NUP107: variants seen among roughly 807,000 people sequenced by gnomAD.
NUP107 encodes nucleoporin 107, also known as nuclear pore complex protein Nup107.
NUP107 carries 101 observed loss-of-function variants against 141.0 expected under a neutral mutation model. The observed-to-expected ratio is 0.72, with a 90% CI of 0.61 to 0.84. The LOEUF (loss-of-function observed/expected upper bound fraction) is 0.84. Ranked by LOEUF, NUP107 falls within the 40% of genes least tolerant of loss-of-function variation. The pLI is 0.00. For synonymous variants in NUP107, 319 were observed against 363.9 expected (o/e 0.88, Z 1.41); for missense variants, 941 against 1,102.7 (o/e 0.85, Z 2.08).
intron 8 of NUP107, among the ~76,000 whole-genome samples, chr12:68,703,562 T>G (rs1023780844): frequency 6.6e-6 from 1 of 152,100 alleles, no homozygotes; most frequent in Non-Finnish European, 1.5e-5. Context: ...GTGATACTTC[T>G]GCCTCAGCCT....
intron 12 of NUP107, 107 bp from the exon 13 acceptor site, chr12:68,719,234 G>A (rs1877246516): frequency 2.6e-6 from 2 of 771,848 alleles, no homozygotes; most frequent in South Asian, 3.3e-5. Flanking sequence ...GTAATGGGAT[G>A]GATGGAACAT....
intron 8 of NUP107, among the ~76,000 whole-genome samples, chr12:68,707,829 G>T (rs981343828): frequency 4.6e-5 from 7 of 152,200 alleles, no homozygotes; most frequent in African/African-American, 1.7e-4. Context: ...GGATGAGGTG[G>T]CTCATGCCTG....
intron 8 of NUP107, 60 bp downstream of exon 8, chr12:68,702,844 G>T: frequency 9.7e-7 from 1 of 1,029,668 alleles, no homozygotes. Context: ...GTTACTAATA[G>T]GATTTTTTTT....
Position 68,715,694 on chromosome 12 carries a change from T to G in NUP107, c.1037T>G (p.Leu346Ter). The G allele has an allele frequency of 6.2e-7, 1 of 1,612,920 alleles. No homozygotes were observed. The highest frequency in any genetic ancestry group is 8.5e-7 in the Non-Finnish European group (1 of 1,179,002). The change falls in exon 12 of 28, where the codon TTA (leucine) becomes TGA (stop). Residue 346 changes from leucine to a stop codon, truncating the protein, a stop_gained. Coordinates refer to ENST00000229179, the MANE Select transcript of NUP107 (RefSeq NM_020401.4). LOFTEE classifies it high-confidence loss of function. ...DDLDREDEVRLLKYLFTLIRA... is the reference protein window; with the variant it reads ...DDLDREDEVR Reference sequence around the variant, plus strand: ...CTGGATAGAGAAGATGAAGTTAGATTACTCAAATATCTCTTTACTCTAATC... The same window carrying G: ...CTGGATAGAGAAGATGAAGTTAGATGACTCAAATATCTCTTTACTCTAATC...
At chr12:68,718,315 G>A (rs1877198144) in intron 12 of NUP107, among the ~76,000 whole-genome samples, 1 of 152,120 alleles carries the variant, frequency 6.6e-6, no homozygotes, top group Non-Finnish European at 1.5e-5. Context: ...ATCGGATCAG[G>A]CCTATCCAAA....
intron 20 of NUP107, among the ~76,000 whole-genome samples, chr12:68,729,865 A>G (rs1230538448): frequency 6.6e-6 from 1 of 150,542 alleles, no homozygotes; most frequent in East Asian, 1.9e-4. Flanking sequence ...ATCTCAGCTC[A>G]CTGTACTGTA....
chr12:68,723,520 C>G (rs901341997), intron 17 of NUP107, among the ~76,000 whole-genome samples: 5 of 152,100 alleles, frequency 3.3e-5, no homozygotes, highest in Admixed American at 1.3e-4. Context: ...CACTTGAACC[C>G]AGGAGGTAGA....
intron 23 of NUP107, 166 bp downstream of exon 23, chr12:68,732,905 A>G: frequency 2.4e-6 from 1 of 423,232 alleles, no homozygotes; most frequent in Non-Finnish European, 4.2e-6. Context: ...CGGGTCTCGA[A>G]CTCCTGGCCT....
chr12:68,739,666 T>A (rs1878237854), intron 26 of NUP107: 1 of 152,192 alleles, frequency 6.6e-6, no homozygotes, highest in Non-Finnish European at 1.5e-5. Context: ...TAAAACCCCA[T>A]CTCTACTAAA....
At chr12:68,691,856 A>AAT in intron 4 of NUP107, 112 bp from the exon 5 acceptor site, 1 of 824,334 alleles carries the variant, frequency 1.2e-6, no homozygotes, top group Non-Finnish European at 1.7e-6. Flanking sequence ...AAAAAAAAAA[A>AAT]GACGCATACA....
intron 7 of NUP107, among the ~76,000 whole-genome samples, chr12:68,701,365 G>C (rs765637510): frequency 6.6e-6 from 1 of 152,172 alleles, no homozygotes; most frequent in Admixed American, 6.5e-5. Context: ...GTTAGAACCA[G>C]AATAACTTGC....
At chr12:68,736,443 G>A (rs898335929) in intron 26 of NUP107, among the ~76,000 whole-genome samples, 2 of 152,052 alleles carry the variant, frequency 1.3e-5, no homozygotes, top group African/African-American at 4.8e-5. Context: ...TAGAGACAAG[G>A]TCTTGCTCTA....
At chr12:68,693,050 G>A (rs947539037) in intron 5 of NUP107, among the ~76,000 whole-genome samples, 3 of 149,806 alleles carry the variant, frequency 2.0e-5, no homozygotes, top group Admixed American at 6.7e-5. Flanking sequence ...GCGCCTGGCC[G>A]CCAGCTAATT....
chr12:68,697,993 A>C (rs1876149544), intron 6 of NUP107, among the ~76,000 whole-genome samples: 1 of 150,972 alleles, frequency 6.6e-6, no homozygotes, highest in Non-Finnish European at 1.5e-5. Flanking sequence ...GAGCCACTGC[A>C]CTCCAGCCCG....
chr12:68,715,543 G>T, intron 11 of NUP107, 84 bp from the exon 12 acceptor site: 1 of 751,960 alleles, frequency 1.3e-6, no homozygotes, highest in South Asian at 1.5e-5. Context: ...ACTCAGGATA[G>T]GTTTATCATC....
At position 68,743,239 on chromosome 12, in the gene NUP107, A is replaced by C. The variant is rs908475363; in HGVS notation, c.*777A>C. On this transcript the variant is annotated 3_prime_UTR_variant, in exon 28 of 28. Coordinates refer to ENST00000229179, the MANE Select transcript of NUP107 (RefSeq NM_020401.4). ...ATGGTGAAACCCTGTCTCTACTAAA[A>C]AAATACAAAAATTAGCCGGGCATGG... 5 of 152,312 alleles carry C rather than the reference A, an allele frequency of 3.3e-5. No individual in the cohort carries two copies. The highest frequency in any genetic ancestry group is 1.2e-4 in the African/African-American group (5 of 41,458). 9.4% of individuals were successfully genotyped at this position (152,312 alleles called of 1,614,324 possible). A position where few individuals can be genotyped will look rare whatever the true frequency, so the allele number is the denominator to read the frequency against.
At chr12:68,707,525 G>T (rs1240181991) in intron 8 of NUP107, among the ~76,000 whole-genome samples, 11 of 152,198 alleles carry the variant, frequency 7.2e-5, no homozygotes, top group Non-Finnish European at 2.9e-5. Flanking sequence ...CTTGTGCCCA[G>T]GAGGTCAAGA....
chr12:68,697,578 T>C (rs1456415382), intron 6 of NUP107, among the ~76,000 whole-genome samples: 1 of 152,152 alleles, frequency 6.6e-6, no homozygotes, highest in Non-Finnish European at 1.5e-5. Context: ...GGCACACCTT[T>C]ACCTGTGTAA....
intron 8 of NUP107, among the ~76,000 whole-genome samples, chr12:68,704,447 A>T (rs1277297931): frequency 6.6e-6 from 1 of 151,994 alleles, no homozygotes; most frequent in African/African-American, 2.4e-5. Flanking sequence ...TTCTGTTTTT[A>T]AAAGTAATTC....
Sources: gnomAD v4.1 joint callset for allele counts (sites outside exome capture counted in the v4.1 genomes callset) on GRCh38, gnomAD v4.1.1 for gene constraint, MANE v1.5 for transcripts, NCBI Gene and HGNC (gene_info 2026-07-23, HGNC 2026-07-21) for gene names.